The following PRH1 variants were observed in gnomAD, a reference collection of about 807,000 sequenced individuals.
The protein encoded by PRH1 is proline rich protein HaeIII subfamily 1, also known as salivary acidic proline-rich phosphoprotein 1/2.
Under a neutral mutation model 7.9 loss-of-function variants are expected in PRH1, and 7 were observed. The ratio of observed to expected loss-of-function variants is 0.89; its 90% confidence interval spans 0.50 to 1.67. The LOEUF is 1.67. Among genes scored for constraint, PRH1 ranks in the 40% most tolerant of loss-of-function variants. The probability of loss-of-function intolerance (pLI) is 0.00; values close to 1 mark genes in which losing one functional copy is unlikely to be tolerated. For missense variants in PRH1, 109 were observed against 223.6 expected (o/e 0.49, Z 3.27); for synonymous variants, 45 against 80.8 (o/e 0.56, Z 2.38).
chr12:10,951,592 C>G (rs1937673501), intron 2 of PRH1, among the ~76,000 whole-genome samples: 1 of 152,114 alleles, frequency 6.6e-6, no homozygotes, highest in African/African-American at 2.4e-5. Context: ...TATTTTCCTA[C>G]TCATAATTTT....
At chr12:11,117,151 C>T (rs560213376), downstream of PRH1, among the ~76,000 whole-genome samples, 12 of 152,182 alleles carry the variant, frequency 7.9e-5, no homozygotes, top group South Asian at 2.5e-3. Context: ...ACAATATGAT[C>T]TTATATTTGT....
chr12:11,025,703 T>C (rs1368459890), intron 1 of PRH1, among the ~76,000 whole-genome samples: 1 of 152,294 alleles, frequency 6.6e-6, no homozygotes, highest in Non-Finnish European at 1.5e-5. Context: ...TGTTACCCTC[T>C]AGCTCTGTGT....
At chr12:11,009,839 A>G (rs1940988621) in intron 1 of PRH1, among the ~76,000 whole-genome samples, 1 of 151,826 alleles carries the variant, frequency 6.6e-6, no homozygotes, top group South Asian at 2.1e-4. Context: ...CTAAACCACA[A>G]CTACATCATT....
At chr12:10,994,912 T>C (rs1940142814) in intron 1 of PRH1, among the ~76,000 whole-genome samples, 1 of 152,236 alleles carries the variant, frequency 6.6e-6, no homozygotes, top group Non-Finnish European at 1.5e-5. Flanking sequence ...ATCTTTTATA[T>C]GCTTAGTAAA....
chr12:11,123,812 A>C (rs1043939235), intron 1 of PRH1, among the ~76,000 whole-genome samples: 7 of 152,144 alleles, frequency 4.6e-5, no homozygotes, highest in African/African-American at 1.4e-4. Flanking sequence ...TGTCTATTGG[A>C]TTCTCAATAT....
intron 1 of PRH1, among the ~76,000 whole-genome samples, chr12:11,065,924 G>A (rs1272357738): frequency 6.6e-6 from 1 of 152,148 alleles, no homozygotes; most frequent in African/African-American, 2.4e-5. Context: ...TCCTCACAGG[G>A]AAATTCAGTG....
intron 1 of PRH1, among the ~76,000 whole-genome samples, chr12:11,044,058 G>A (rs1942819542): frequency 6.6e-6 from 1 of 152,132 alleles, no homozygotes. Context: ...AGAGGCTGTA[G>A]TAACCAAAAC....
intron 2 of PRH1, among the ~76,000 whole-genome samples, chr12:10,948,113 T>C (rs1950515607): frequency 6.6e-6 from 1 of 152,358 alleles, no homozygotes; most frequent in African/African-American, 2.4e-5. Context: ...ATCTTGGAGA[T>C]GATCTTGTGT....
chr12:10,978,140 G>A (rs1271547492), intron 1 of PRH1, among the ~76,000 whole-genome samples: 1 of 149,376 alleles, frequency 6.7e-6, no homozygotes, highest in African/African-American at 2.5e-5. Context: ...AGAACAAGCT[G>A]GAGGCACATT....
In PRH1 at chr12:11,060,488, T is replaced by C. The variant is rs1013579677; in HGVS notation, n.124-13300A>G. 2.6e-5 allele frequency among the ~76,000 whole-genome samples: 4 copies of C among 152,088 alleles called. No individual in the cohort carries two copies. The South Asian group carries it at 6.2e-4, about 24-fold the overall frequency. Reference sequence around the variant, plus strand: ...ACAATTCAGGGGCTTAAAAGTGCTTTAGAAAAAAATACTAAAATAGTTTAC... The same window carrying C: ...ACAATTCAGGGGCTTAAAAGTGCTTCAGAAAAAAATACTAAAATAGTTTAC... On this transcript the variant is annotated intron_variant and non_coding_transcript_variant, in intron 1 of 4. Coordinates refer to the PRH1 transcript ENST00000541977.
intron 1 of PRH1, among the ~76,000 whole-genome samples, chr12:11,071,824 A>G (rs1409198689): frequency 6.6e-6 from 1 of 152,182 alleles, no homozygotes; most frequent in East Asian, 1.9e-4. Context: ...AGACCCCTGC[A>G]TGGTAGAAAA....
intron 1 of PRH1, among the ~76,000 whole-genome samples, chr12:10,993,968 C>A (rs1940073376): frequency 6.6e-6 from 1 of 152,172 alleles, no homozygotes; most frequent in Non-Finnish European, 1.5e-5. Context: ...ACAGCAGGTG[C>A]AGAAAATTAA....
chr12:11,056,685 G>A (rs776640131), intron 1 of PRH1, among the ~76,000 whole-genome samples: 5 of 152,060 alleles, frequency 3.3e-5, no homozygotes, highest in Non-Finnish European at 7.4e-5. Context: ...AGGTGTGGTG[G>A]TGCCCGTCTG....
At chr12:10,966,529 C>A (rs1278645757) in intron 2 of PRH1, among the ~76,000 whole-genome samples, 1 of 152,178 alleles carries the variant, frequency 6.6e-6, no homozygotes, top group Non-Finnish European at 1.5e-5. Flanking sequence ...CTTGCCTGAT[C>A]CAGCCTACTT....
intron 1 of PRH1, among the ~76,000 whole-genome samples, chr12:11,108,915 C>A (rs1232191903): frequency 6.6e-6 from 1 of 152,202 alleles, no homozygotes; most frequent in Non-Finnish European, 1.5e-5. Context: ...CTAAGATCCA[C>A]TGGTTTGACA....
exon 2 of PRH1, chr12:10,973,664 CT>C (rs768812674): frequency 1.3e-5 from 10 of 778,748 alleles, no homozygotes; most frequent in Admixed American, 5.1e-5. Flanking sequence ...CCTGTGAAAA[CT>C]TCCACTCTTG....
intron 2 of PRH1, among the ~76,000 whole-genome samples, chr12:10,927,142 C>T (rs1003487724): frequency 5.3e-5 from 8 of 152,166 alleles, no homozygotes; most frequent in African/African-American, 1.2e-4. Flanking sequence ...CTGAGCTGAG[C>T]GACCTTTAGG....
At chr12:11,167,156 C>T (rs879881988) in intron 1 of PRH1, among the ~76,000 whole-genome samples, 2 of 152,180 alleles carry the variant, frequency 1.3e-5, no homozygotes, top group African/African-American at 2.4e-5. Flanking sequence ...CATTATTCTG[C>T]CTCCTATACC....
chr12:10,897,840 C>T (rs1949670637), intron 2 of PRH1, among the ~76,000 whole-genome samples: 1 of 152,142 alleles, frequency 6.6e-6, no homozygotes, highest in South Asian at 2.1e-4. Flanking sequence ...GCCCCACCTC[C>T]AACATTAGGG....
Sources: gnomAD v4.1 joint callset for allele counts (sites outside exome capture counted in the v4.1 genomes callset) on GRCh38, gnomAD v4.1.1 for gene constraint, MANE v1.5 for transcripts, NCBI Gene and HGNC (gene_info 2026-07-23, HGNC 2026-07-21) for gene names.